The following FBP2 variants were observed in gnomAD, a reference collection of about 807,000 sequenced individuals.
The protein encoded by FBP2 is fructose-bisphosphatase 2.
In FBP2, 27 loss-of-function variants were observed where a neutral mutation model predicts 31.6. The ratio of observed to expected loss-of-function variants is 0.85; its 90% CI spans 0.63 to 1.18. FBP2 has a LOEUF of 1.18. FBP2 is among the 50% of genes most tolerant of loss of function. The pLI is 0.00. For missense variants in FBP2, 421 were observed against 436.1 expected (o/e 0.97, Z 0.31); for synonymous variants, 168 against 179.8 (o/e 0.93, Z 0.53).
chr9:94,577,875 CAT>C (rs1435357770), intron 3 of FBP2: 1 of 152,152 alleles, frequency 6.6e-6, no homozygotes. Flanking sequence ...TGGATGTATA[CAT>C]GTTTAGATAT....
chr9:94,591,212 G>A (rs1338099408), intron 1 of FBP2, among the ~76,000 whole-genome samples: 2 of 152,268 alleles, frequency 1.3e-5, no homozygotes, highest in Non-Finnish European at 2.9e-5. Context: ...TCGTCGGGGA[G>A]GCTCGGGCCG....
At chr9:94,567,224 T>G in intron 5 of FBP2, 46 bp downstream of exon 5, 2 of 1,609,940 alleles carry the variant, frequency 1.2e-6, no homozygotes, top group East Asian at 2.2e-5. Context: ...CAGGACCCCA[T>G]GGGGACAGCA....
chr9:94,562,241 C>T (rs1398680476), intron 6 of FBP2, among the ~76,000 whole-genome samples: 1 of 138,134 alleles, frequency 7.2e-6, no homozygotes, highest in Non-Finnish European at 1.5e-5. Flanking sequence ...ACCTGGGAGG[C>T]GGAGCTTGCA....
intron 4 of FBP2, chr9:94,567,695 G>C (rs983209103): frequency 4.3e-5 from 15 of 348,228 alleles, no homozygotes; most frequent in African/African-American, 3.1e-4. Context: ...CACTGTCAGT[G>C]AGGCTCCTCA....
At chr9:94,565,244 G>A (rs1447589730) in intron 5 of FBP2, among the ~76,000 whole-genome samples, 2 of 151,648 alleles carry the variant, frequency 1.3e-5, no homozygotes, top group South Asian at 2.1e-4. Context: ...GCATGGTGGC[G>A]GGAGGCTGTA....
intron 4 of FBP2, chr9:94,568,698 C>T (rs1252141014): frequency 6.6e-6 from 1 of 152,224 alleles, no homozygotes; most frequent in Non-Finnish European, 1.5e-5. Context: ...CTGTCAGAAA[C>T]AAGTCAGTGC....
chr9:94,559,152 G>C lies in FBP2; in HGVS notation c.826-20C>G. On this transcript the variant is annotated intron_variant, in intron 6 of 6. Coordinates refer to ENST00000375337, the MANE Select transcript of FBP2 (RefSeq NM_003837.4). ...CCGGAGCTGTGGAGGAACAGAGGCA[G>C]GTGAGTAAACTCTGCAAGTGGCCAA... 1 of 1,603,086 alleles carries C rather than the reference G, an allele frequency of 6.2e-7. No individual in the cohort carries two copies. Among genetic ancestry groups the C allele is most frequent in the Non-Finnish European group, 8.5e-7 (1 of 1,172,954 alleles).
At chr9:94,562,895 C>T (rs1827130006) in intron 6 of FBP2, among the ~76,000 whole-genome samples, 1 of 152,322 alleles carries the variant, frequency 6.6e-6, no homozygotes, top group East Asian at 1.9e-4. Flanking sequence ...GGGCGGACTT[C>T]AGGGCATCAG....
chr9:94,559,277 C>T (rs764162156), intron 6 of FBP2, 145 bp from the exon 7 acceptor site: 20 of 683,792 alleles, frequency 2.9e-5, no homozygotes, highest in East Asian at 1.4e-4. Context: ...AGAGTGGGCC[C>T]GAGCTTTAGA....
chr9:94,558,744 T>C lies in FBP2; in HGVS notation c.*194A>G. 1 of 572,580 alleles carries C rather than the reference T, an allele frequency of 1.7e-6. No individual in the cohort carries two copies. The highest frequency in any genetic ancestry group is 3.1e-6 in the Non-Finnish European group (1 of 324,648). The allele number at this position is 572,580 out of a possible 1,614,324, so 35.5% of individuals were successfully genotyped here. ...CTTTCCACATGTGGGTTTTTATTTCTAGTCCTTCACATTGACCATAGAATC... is the reference window on the plus strand; with the variant it reads ...CTTTCCACATGTGGGTTTTTATTTCCAGTCCTTCACATTGACCATAGAATC... On this transcript the variant is annotated 3_prime_UTR_variant, in exon 7 of 7. Coordinates refer to ENST00000375337, the MANE Select transcript of FBP2 (RefSeq NM_003837.4).
intron 1 of FBP2, among the ~76,000 whole-genome samples, chr9:94,592,811 A>G (rs2772023): frequency 0.45 from 68,752 of 152,024 alleles, 15,737 homozygotes; most frequent in East Asian, 0.59. Context: ...AGGATTACAG[A>G]CAGGAGCCAC....
chr9:94,583,259 A>G lies in FBP2; in HGVS notation c.426+1318T>C, dbSNP rs528466128. 7.2e-5 allele frequency among the ~76,000 whole-genome samples: 11 copies of G among 152,308 alleles called. No individual in the cohort carries two copies. The East Asian group carries it at 9.6e-4, about 13-fold the overall frequency. ...GTATAAGTAAAACTAAGTGCTGTAC[A>G]TACTTCCTGAATAATGCCCAAAACA... On this transcript the variant is annotated intron_variant, in intron 3 of 6. Transcript: ENST00000375337.
intron 1 of FBP2, among the ~76,000 whole-genome samples, chr9:94,591,778 G>C (rs367910129): frequency 5.3e-4 from 81 of 152,304 alleles, no homozygotes; most frequent in African/African-American, 1.9e-3. Flanking sequence ...CTAAGAGTTA[G>C]GGATGCTACT....
At chr9:94,567,835 AT>A (rs1554746205) in intron 4 of FBP2, 1 of 163,382 alleles carries the variant, frequency 6.1e-6, no homozygotes, top group Non-Finnish European at 1.3e-5. Context: ...TTAACCATTA[AT>A]TTGTGGTACA....
At chr9:94,585,452 G>C (rs1012242496) in intron 2 of FBP2, among the ~76,000 whole-genome samples, 6 of 151,608 alleles carry the variant, frequency 4.0e-5, no homozygotes, top group African/African-American at 1.5e-4. Context: ...AACAGACAGA[G>C]AGCACACAGG....
chr9:94,578,509 TAATA>T (rs1324769171), intron 3 of FBP2, among the ~76,000 whole-genome samples: 1 of 152,128 alleles, frequency 6.6e-6, no homozygotes, highest in Non-Finnish European at 1.5e-5. Context: ...TTAAATTAAA[TAATA>T]AATGCTTATT....
intron 3 of FBP2, among the ~76,000 whole-genome samples, chr9:94,573,446 T>C (rs1827288554): frequency 6.6e-6 from 1 of 152,134 alleles, no homozygotes; most frequent in Admixed American, 6.5e-5. Context: ...TTTTTTGAGA[T>C]GGGGGTCTTG....
At chr9:94,592,649 C>T (rs1271029861) in intron 1 of FBP2, among the ~76,000 whole-genome samples, 1 of 152,200 alleles carries the variant, frequency 6.6e-6, no homozygotes, top group African/African-American at 2.4e-5. Flanking sequence ...ATTCTCCTGC[C>T]TCAGCCTCCC....
At chr9:94,568,506 A>G (rs1180057453) in intron 4 of FBP2, 1 of 152,252 alleles carries the variant, frequency 6.6e-6, no homozygotes, top group Non-Finnish European at 1.5e-5. Flanking sequence ...CCTGGAAACC[A>G]GATCCATTTT....
Sources: allele counts gnomAD v4.1 joint callset (sites outside exome capture counted in the v4.1 genomes callset), GRCh38; gene constraint gnomAD v4.1.1; transcripts MANE v1.5; gene names NCBI Gene and HGNC (gene_info 2026-07-23, HGNC 2026-07-21).